The following IQCF6 variants were observed in gnomAD, a reference collection of about 807,000 sequenced individuals.
The protein encoded by IQCF6 is IQ motif containing F6.
IQCF6 carries 15 observed loss-of-function variants against 16.8 expected under a neutral mutation model. That is an observed-to-expected ratio of 0.89 (90% CI 0.60 to 1.37). IQCF6 has a LOEUF of 1.37. Ranked by LOEUF, IQCF6 falls within the 40% of genes most tolerant of loss-of-function variation. The pLI, the probability that IQCF6 is intolerant of heterozygous loss-of-function variation, is 0.00. For synonymous variants in IQCF6, 64 were observed against 72.8 expected (o/e 0.88, Z 0.61); for missense variants, 169 against 197.4 (o/e 0.86, Z 0.86).
At position 51,779,140 on chromosome 3, in the gene IQCF6, A is replaced by G; in HGVS notation, c.72+13T>C. 7.0e-7 allele frequency: 1 copy of G among 1,427,342 alleles called. No individual in the cohort carries two copies. The highest frequency in any genetic ancestry group is 9.1e-7 in the Non-Finnish European group (1 of 1,093,578). 88.4% of individuals were successfully genotyped at this position (1,427,342 alleles called of 1,614,324 possible). A position where few individuals can be genotyped will look rare whatever the true frequency, so the allele number is the denominator to read the frequency against. ...CTAGGGCCCATCCATCTTGTTTCCA[A>G]TCCCCCACTCACATTTAGACACGGT... On this transcript the variant is annotated intron_variant, in intron 1 of 1. Transcript: ENST00000667863.
Sources: allele counts gnomAD v4.1 joint callset, GRCh38; gene constraint gnomAD v4.1.1; transcripts MANE v1.5; gene names NCBI Gene and HGNC (gene_info 2026-07-23, HGNC 2026-07-21).